Variants in WDR70 observed in about 807,000 individuals in gnomAD.
WDR70 encodes the protein WD repeat domain 70.
Under a neutral mutation model 88.6 loss-of-function variants are expected in WDR70, and 53 were observed. That is an observed-to-expected ratio of 0.60 (90% CI 0.48 to 0.75). The LOEUF (loss-of-function observed/expected upper bound fraction) is 0.75, where lower values mean the gene tolerates loss of function less well. Ranked by LOEUF, WDR70 falls within the 30% of genes least tolerant of loss-of-function variation. The probability of loss-of-function intolerance (pLI) is 0.00; values close to 1 mark genes in which losing one functional copy is unlikely to be tolerated. For missense variants in WDR70, 610 were observed against 823.2 expected (o/e 0.74, Z 3.17); for synonymous variants, 280 against 270.0 (o/e 1.04, Z -0.36).
intron 5 of WDR70, among the ~76,000 whole-genome samples, chr5:37,410,724 A>G (rs1749497285): frequency 6.6e-6 from 1 of 152,210 alleles, no homozygotes; most frequent in Admixed American, 6.5e-5. Flanking sequence ...TTTGGTTTTT[A>G]TAAATGAAAA....
At chr5:37,711,273 G>A (rs1747503533) in intron 13 of WDR70, among the ~76,000 whole-genome samples, 1 of 152,120 alleles carries the variant, frequency 6.6e-6, no homozygotes, top group East Asian at 1.9e-4. Flanking sequence ...GCTGCCATTG[G>A]TATTAAGCAT....
intron 17 of WDR70, among the ~76,000 whole-genome samples, chr5:37,750,176 C>T (rs1348172454): frequency 6.6e-6 from 1 of 152,150 alleles, no homozygotes; most frequent in Non-Finnish European, 1.5e-5. Flanking sequence ...TTTGTTGATT[C>T]TGTGCCCTTT....
At chr5:37,585,397 A>G (rs1451390464) in intron 9 of WDR70, among the ~76,000 whole-genome samples, 1 of 152,178 alleles carries the variant, frequency 6.6e-6, no homozygotes, top group East Asian at 1.9e-4. Flanking sequence ...ATGTCCCCAG[A>G]TGGATTCATT....
At position 37,702,938 on chromosome 5, in the gene WDR70, T is replaced by C. The variant is rs1356510748; in HGVS notation, c.1278-11T>C. On this transcript the variant is annotated splice_polypyrimidine_tract_variant and intron_variant, in intron 12 of 17. Transcript: ENST00000265107. ...CATAAGCTTATACTCGTAAACTCTT[T>C]TTTTCTGTAGGACTGACTGCTGTTT... 1 of 1,596,900 alleles carries C rather than the reference T, an allele frequency of 6.3e-7. No individual in the cohort carries two copies.
At chr5:37,463,315 C>T (rs1739068429) in intron 7 of WDR70, among the ~76,000 whole-genome samples, 2 of 151,672 alleles carry the variant, frequency 1.3e-5, no homozygotes, top group African/African-American at 4.8e-5. Context: ...AGTAGACTTG[C>T]TCATCATCAC....
chr5:37,454,056 A>G (rs1738755892), intron 7 of WDR70, among the ~76,000 whole-genome samples: 3 of 152,240 alleles, frequency 2.0e-5, no homozygotes, highest in Admixed American at 2.0e-4. Flanking sequence ...TATTCATTAA[A>G]TAAGTCATAC....
chr5:37,593,076 AC>A (rs1331431186), intron 9 of WDR70, among the ~76,000 whole-genome samples: 2 of 152,086 alleles, frequency 1.3e-5, no homozygotes, highest in Non-Finnish European at 2.9e-5. Flanking sequence ...AATTGCTTGA[AC>A]CTAGAAGTTC....
chr5:37,645,934 A>G lies in WDR70; in HGVS notation c.1092+40696A>G, dbSNP rs533641677. Among the ~76,000 whole-genome samples the G allele has an allele frequency of 3.2e-4, 48 of 152,036 alleles. 2 individuals are homozygous for G. The highest frequency in any genetic ancestry group is 6.8e-3 in the Middle Eastern group (2 of 294). On this transcript the variant is annotated intron_variant, in intron 10 of 17. Coordinates refer to ENST00000265107, the MANE Select transcript of WDR70 (RefSeq NM_018034.4). ...TTTTTCATCCATTCAGCCAGTTTGT[A>G]TCTTTTGATTGGAGAGTTTAGTCCA...
chr5:37,457,356 A>T (rs1172194968), intron 7 of WDR70, among the ~76,000 whole-genome samples: 1 of 152,312 alleles, frequency 6.6e-6, no homozygotes, highest in Admixed American at 6.5e-5. Context: ...TTGGCCTCCC[A>T]AAGTGCTGGG....
chr5:37,538,994 C>T (rs975982021), intron 9 of WDR70, among the ~76,000 whole-genome samples: 1 of 152,188 alleles, frequency 6.6e-6, no homozygotes, highest in Non-Finnish European at 1.5e-5. Context: ...AGAATTTTTA[C>T]TAAGCCAGTT....
At chr5:37,583,306 A>G (rs1306776259) in intron 9 of WDR70, among the ~76,000 whole-genome samples, 1 of 151,972 alleles carries the variant, frequency 6.6e-6, no homozygotes. Flanking sequence ...GGCTAGTCCC[A>G]GCTACTCTGG....
rs563643750 is a variant in WDR70 at position 37,402,460 on chromosome 5, A to G, written c.492+5890A>G. On this transcript the variant is annotated intron_variant, in intron 5 of 17. Transcript: ENST00000265107. ...TGTGAATTTCCTTTCCTTTGGATAT[A>G]TACTCATTAGTGGGATTGCTGGATT... Among the ~76,000 whole-genome samples the G allele has an allele frequency of 7.9e-5, 12 of 152,194 alleles. No homozygotes were observed. In the South Asian group the frequency reaches 2.3e-3, roughly 29 times the overall value.
chr5:37,398,283 T>G (rs757018976), intron 5 of WDR70, among the ~76,000 whole-genome samples: 1 of 151,856 alleles, frequency 6.6e-6, no homozygotes, highest in Non-Finnish European at 1.5e-5. Flanking sequence ...AGAGATGAGG[T>G]TTCACCGTGT....
At chr5:37,650,049 T>C (rs1475073755) in intron 10 of WDR70, among the ~76,000 whole-genome samples, 2 of 148,678 alleles carry the variant, frequency 1.3e-5, no homozygotes, top group Admixed American at 1.4e-4. Context: ...TTACTTCTTA[T>C]TATCATCATT....
At chr5:37,680,830 G>C (rs919530827) in intron 10 of WDR70, among the ~76,000 whole-genome samples, 1 of 152,180 alleles carries the variant, frequency 6.6e-6, no homozygotes, top group African/African-American at 2.4e-5. Context: ...GTTGGGTAGT[G>C]TGATGCATCC....
Position 37,697,636 on chromosome 5 carries a change from T to C in WDR70, c.1093-19T>C. ...GAATTGAGGTGAGATATTAACACTT[T>C]GTTTGTCTTTGTGAATAGGTTCATC... On this transcript the variant is annotated intron_variant, in intron 10 of 17. Transcript: ENST00000265107. 1 of 1,603,224 alleles carries C rather than the reference T, an allele frequency of 6.2e-7. No homozygotes were observed. The highest frequency in any genetic ancestry group is 8.5e-7 in the Non-Finnish European group (1 of 1,170,268).
chr5:37,741,049 A>C (rs1439562929), intron 17 of WDR70, among the ~76,000 whole-genome samples: 2 of 152,210 alleles, frequency 1.3e-5, no homozygotes, highest in Non-Finnish European at 2.9e-5. Flanking sequence ...GTTTCTAGAA[A>C]TAAAATATTT....
intron 9 of WDR70, among the ~76,000 whole-genome samples, chr5:37,547,594 C>G (rs1239769226): frequency 6.6e-6 from 1 of 152,088 alleles, no homozygotes; most frequent in Non-Finnish European, 1.5e-5. Context: ...CATCATGGAA[C>G]ATGGAATATC....
intron 3 of WDR70, among the ~76,000 whole-genome samples, chr5:37,384,503 A>G (rs1748541239): frequency 6.6e-6 from 1 of 151,634 alleles, no homozygotes; most frequent in African/African-American, 2.4e-5. Context: ...TACTAAAAAT[A>G]CAAAAAATTA....
Sources: allele counts gnomAD v4.1 joint callset (sites outside exome capture counted in the v4.1 genomes callset), GRCh38; gene constraint gnomAD v4.1.1; transcripts MANE v1.5; gene names NCBI Gene and HGNC (gene_info 2026-07-23, HGNC 2026-07-21).